TRAPPC8: variants seen among roughly 807,000 people sequenced by gnomAD.
TRAPPC8 encodes the protein general sporulation gene 1 homolog.
TRAPPC8 carries 54 observed loss-of-function variants against 174.3 expected under a neutral mutation model. The ratio of observed to expected loss-of-function variants is 0.31; its 90% confidence interval spans 0.25 to 0.39. The LOEUF is 0.39. Ranked by LOEUF, TRAPPC8 falls within the 10% of genes least tolerant of loss-of-function variation. TRAPPC8 has a pLI of 1.00. For missense variants in TRAPPC8, 1,531 were observed against 1,699.1 expected (o/e 0.90, Z 1.74); for synonymous variants, 630 against 579.9 (o/e 1.09, Z -1.24).
intron 22 of TRAPPC8, among the ~76,000 whole-genome samples, chr18:31,853,054 T>C (rs2033797497): frequency 6.6e-6 from 1 of 152,226 alleles, no homozygotes; most frequent in Admixed American, 6.5e-5. Context: ...CACTCTGCTA[T>C]ATGTTTTCCC....
chr18:31,843,083 C>T (rs1294137489), intron 26 of TRAPPC8, among the ~76,000 whole-genome samples: 1 of 151,990 alleles, frequency 6.6e-6, no homozygotes, highest in African/African-American at 2.4e-5. Context: ...AAAGACTTTC[C>T]TTTTATAAAT....
At chr18:31,897,482 C>T (rs2145406639) in intron 11 of TRAPPC8, among the ~76,000 whole-genome samples, 1 of 152,262 alleles carries the variant, frequency 6.6e-6, no homozygotes, top group East Asian at 1.9e-4. Flanking sequence ...GAACAATGCA[C>T]ATGCATATTG....
At chr18:31,917,552 A>G in intron 3 of TRAPPC8, 26 bp downstream of exon 3, 1 of 1,576,582 alleles carries the variant, frequency 6.3e-7, no homozygotes, top group Non-Finnish European at 8.6e-7. Flanking sequence ...ATTTGATTTG[A>G]GGAGAACATA....
intron 1 of TRAPPC8, chr18:31,939,458 A>G (rs1182342619): frequency 6.6e-6 from 1 of 151,942 alleles, no homozygotes; most frequent in East Asian, 1.9e-4. Flanking sequence ...TCCTCTTACT[A>G]CTCTGTACCC....
Position 31,886,344 on chromosome 18 carries a change from G to GAA in TRAPPC8, c.1728+4390_1728+4391insTT, listed in dbSNP as rs1568092404. Reference sequence around the variant, plus strand: ...TTAATTTTTAAGTGATGTTTCTTGAGGAAAAAAAAAAAAAAAAAAAAAGGC... The same window carrying GAA: ...TTAATTTTTAAGTGATGTTTCTTGAGAAGAAAAAAAAAAAAAAAAAAAAAGGC... On this transcript the variant is annotated intron_variant, in intron 12 of 28. Transcript: ENST00000283351. Among the ~76,000 whole-genome samples the GAA allele has an allele frequency of 1.4e-4, 10 of 71,252 alleles. 1 individual carries two copies. The highest frequency in any genetic ancestry group is 1.6e-4 in the African/African-American group (3 of 18,844). The allele number at this position is 71,252 out of a possible 152,430, so 46.7% of individuals were successfully genotyped here. A position where few individuals can be genotyped will look rare whatever the true frequency, so the allele number is the denominator to read the frequency against.
At chr18:31,837,718 AAAG>A (rs142687738) in intron 27 of TRAPPC8, among the ~76,000 whole-genome samples, 1,826 of 152,146 alleles carry the variant, frequency 0.012, 34 homozygotes, top group African/African-American at 0.039. Flanking sequence ...AAAAAAAGAA[AAAG>A]AAGAAGAAGA....
chr18:31,842,776 ATT>A (rs1271519713), intron 26 of TRAPPC8, among the ~76,000 whole-genome samples: 1 of 152,166 alleles, frequency 6.6e-6, no homozygotes, highest in East Asian at 1.9e-4. Flanking sequence ...TGGATTTCAG[ATT>A]TTCAGACTAG....
chr18:31,885,816 C>T (rs773026541), intron 12 of TRAPPC8, among the ~76,000 whole-genome samples: 18 of 151,236 alleles, frequency 1.2e-4, no homozygotes, highest in Non-Finnish European at 2.5e-4. Context: ...GCCGAGATCG[C>T]GCCATTGCAC....
chr18:31,907,598 T>A lies in TRAPPC8; in HGVS notation c.1251A>T (p.Glu417Asp), dbSNP rs1373961993. ...KNTSGLLYPPEAPELQIRKMA... is the reference protein window; with the variant it reads ...KNTSGLLYPPDAPELQIRKMA... ...TTTTCCTGATTTGAAGTTCTGGTGC[T>A]TCCGGCGGATACCTGTAAATACAAA... The change falls in exon 9 of 29, where the codon GAA (glutamate) becomes GAT (aspartate). Residue 417 changes from glutamate (E) to aspartate (D), a missense_variant. By Grantham distance (45) the Glu-to-Asp change is conservative. Coordinates refer to ENST00000283351, the MANE Select transcript of TRAPPC8 (RefSeq NM_014939.5). The A allele has an allele frequency of 6.2e-7, 1 of 1,608,020 alleles. No individual in the cohort carries two copies. The highest frequency in any genetic ancestry group is 1.7e-5 in the Admixed American group (1 of 59,710).
intron 27 of TRAPPC8, among the ~76,000 whole-genome samples, chr18:31,837,100 T>C (rs944733495): frequency 6.6e-6 from 1 of 152,004 alleles, no homozygotes; most frequent in Admixed American, 6.6e-5. Flanking sequence ...AGGTGAACCC[T>C]GCATACATCT....
At chr18:31,893,191 T>C (rs2036034701) in intron 11 of TRAPPC8, among the ~76,000 whole-genome samples, 1 of 152,188 alleles carries the variant, frequency 6.6e-6, no homozygotes, top group South Asian at 2.1e-4. Context: ...AGCCCTTGTA[T>C]GCTCTTAATA....
rs768101229 is a variant in TRAPPC8, at chr18:31,901,013, C to T, written c.1402G>A (p.Val468Met). 3.8e-6 allele frequency: 6 copies of T among 1,586,978 alleles called. No individual in the cohort carries two copies. The highest frequency in any genetic ancestry group is 1.2e-5 in the South Asian group (1 of 85,654). The change falls in exon 10 of 29, where the codon GTG becomes ATG. Residue 468 changes from valine to methionine, a missense_variant. By Grantham distance (21) the Val-to-Met change is conservative. Coordinates refer to ENST00000283351, the MANE Select transcript of TRAPPC8 (RefSeq NM_014939.5). ...GCTCCTGGTTGAAGAAAAGCAGACA[C>T]TGCTGCCATTTCCTAAAATAAAAGA... ...YAAGALEMAA[V>M]SAFLQPGAPR...
intron 11 of TRAPPC8, among the ~76,000 whole-genome samples, chr18:31,893,226 A>G (rs1356210955): frequency 6.6e-6 from 1 of 152,070 alleles, no homozygotes; most frequent in Non-Finnish European, 1.5e-5. Context: ...TATATTTTGC[A>G]AATAGTATTT....
rs1340885181 is a variant in TRAPPC8 at position 31,857,825 on chromosome 18, G to A, written c.2903C>T (p.Thr968Ile). ...CTCAGAAGCTGAGGGACTTAGTGGT[G>A]TTAGAACAGCAGTATTACCACCGAA... ...FTFGGNTAVL[T>I]PLSPSASENC... The change falls in exon 20 of 29, where the codon ACA (threonine) becomes ATA (isoleucine). Residue 968 changes from threonine to isoleucine, a missense_variant. Transcript: ENST00000283351. 6.8e-6 allele frequency: 11 copies of A among 1,614,064 alleles called. No homozygotes were observed. The highest frequency in any genetic ancestry group is 9.3e-6 in the Non-Finnish European group (11 of 1,180,046).
chr18:31,940,562 G>C (rs1417515622), intron 1 of TRAPPC8, among the ~76,000 whole-genome samples: 1 of 152,030 alleles, frequency 6.6e-6, no homozygotes, highest in African/African-American at 2.4e-5. Context: ...TGTTTGGTTG[G>C]TTTTGAGATG....
rs2032268985 is a variant in TRAPPC8 at position 31,830,084 on chromosome 18, G to A, written c.*671C>T. 1 of 152,410 alleles carries A rather than the reference G, an allele frequency of 6.6e-6. No individual in the cohort carries two copies. The highest frequency in any genetic ancestry group is 1.5e-5 in the Non-Finnish European group (1 of 68,002). The allele number at this position is 152,410 out of a possible 1,614,324, so 9.4% of individuals were successfully genotyped here. ...GTTAACGTTATATAATAAAGAATATGGTAATTTTAATGACAAAAATCGTAT... is the reference window on the plus strand; with the variant it reads ...GTTAACGTTATATAATAAAGAATATAGTAATTTTAATGACAAAAATCGTAT... On this transcript the variant is annotated 3_prime_UTR_variant, in exon 29 of 29. Coordinates refer to ENST00000283351, the MANE Select transcript of TRAPPC8 (RefSeq NM_014939.5).
At position 31,831,330 on chromosome 18, in the gene TRAPPC8, G is replaced by A. The variant is rs547179717; in HGVS notation, c.4074-341C>T. 1.1e-4 allele frequency among the ~76,000 whole-genome samples: 17 copies of A among 151,518 alleles called. No homozygotes were observed. The South Asian group carries it at 3.5e-3, about 31-fold the overall frequency. ...TGCACCACTGCACTCCAGCCCATGA[G>A]AGAGCAAGACTCCATCTCAAGAAGA... is the stretch of plus-strand genomic sequence containing the variant. On this transcript the variant is annotated intron_variant, in intron 28 of 28. Transcript: ENST00000283351.
intron 4 of TRAPPC8, among the ~76,000 whole-genome samples, chr18:31,914,337 A>G (rs1024207363): frequency 7.9e-5 from 12 of 152,332 alleles, no homozygotes; most frequent in African/African-American, 2.6e-4. Context: ...GTGTGTACAC[A>G]CACTGAAGGA....
intron 2 of TRAPPC8, chr18:31,926,439 G>A (rs1299056736): frequency 6.6e-6 from 1 of 151,146 alleles, no homozygotes. Flanking sequence ...ACTAGCAACA[G>A]ACACAAAGAA....
Sources: gnomAD v4.1 joint callset for allele counts (sites outside exome capture counted in the v4.1 genomes callset) on GRCh38, gnomAD v4.1.1 for gene constraint, MANE v1.5 for transcripts, NCBI Gene and HGNC (gene_info 2026-07-23, HGNC 2026-07-21) for gene names.